Variants in NPC1 observed in about 807,000 individuals in gnomAD.
NPC1 encodes Niemann-Pick C1 protein.
In NPC1, 85 loss-of-function variants were observed where a neutral mutation model predicts 140.4. The observed-to-expected ratio is 0.61, with a 90% confidence interval of 0.51 to 0.72. NPC1 has a LOEUF of 0.72. NPC1 is among the 30% of genes least tolerant of loss of function. The pLI is 0.00. For synonymous variants in NPC1, 656 were observed against 624.8 expected (o/e 1.05, Z -0.74); for missense variants, 1,504 against 1,623.8 (o/e 0.93, Z 1.27).
At position 23,509,365 on chromosome 18, in the gene NPC1, A is replaced by G. The variant is rs546957175; in HGVS notation, c.432-2723T>C. 5.6e-5 allele frequency: 23 copies of G among 408,718 alleles called. 2 individuals are homozygous for G. The South Asian group carries it at 2.2e-3, about 39-fold the overall frequency. 25.3% of individuals were successfully genotyped at this position (408,718 alleles called of 1,614,324 possible). A position where few individuals can be genotyped will look rare whatever the true frequency, so the allele number is the denominator to read the frequency against. On this transcript the variant is annotated intron_variant, in intron 3 of 3. Transcript: ENST00000591107. The stretch of plus-strand genomic sequence containing the variant: ...TTTGAATTCAGTACTGAATATATAT[A>G]TATATATTTTAAACATTTTCTAGAG...
At chr18:23,528,921 C>T (rs1007357452), downstream of NPC1, 1 of 355,950 alleles carries the variant, frequency 2.8e-6, no homozygotes, top group Admixed American at 4.5e-5. Flanking sequence ...TTCTTATTGC[C>T]CAGGCTGGAG....
rs775346419 is a variant in NPC1 at position 23,538,663 on chromosome 18, G to A, written c.2920C>T (p.Pro974Ser). The A allele has an allele frequency of 3.7e-6, 6 of 1,614,034 alleles. No homozygotes were observed. Among genetic ancestry groups the A allele is most frequent in the Middle Eastern group, 1.6e-4 (1 of 6,062 alleles). ...DQFCNASVVD[P>S]ACVRCRPLTP... Reference sequence around the variant, plus strand: ...AGAGGCCTGCAGCGAACGCAGGCAGGGTCAACCACTGGCGGAGACATGCAG... The same window carrying A: ...AGAGGCCTGCAGCGAACGCAGGCAGAGTCAACCACTGGCGGAGACATGCAG... Residue 974 changes from proline to serine, a missense_variant, in exon 20 of 25, where the codon CCT becomes TCT. By Grantham distance (74) the Pro-to-Ser change is moderately conservative (BLOSUM62 -1). Transcript: ENST00000269228.
In NPC1 at chr18:23,562,913, T is replaced by C. The variant is rs570688810; in HGVS notation, c.464-1386A>G. Among the ~76,000 whole-genome samples the C allele has an allele frequency of 7.2e-5, 11 of 152,338 alleles. No homozygotes were observed. The East Asian group carries it at 9.6e-4, about 13-fold the overall frequency. ...TACATGTAATTTACAATTTACCCCC[T>C]TAAACTATATAATTTAATGGAGTTT... On this transcript the variant is annotated intron_variant, in intron 4 of 24. Coordinates refer to ENST00000269228, the MANE Select transcript of NPC1 (RefSeq NM_000271.5).
At chr18:23,573,352 C>T (rs1488852282) in intron 2 of NPC1, 100 bp downstream of exon 2, 45 of 1,531,432 alleles carry the variant, frequency 2.9e-5, no homozygotes, top group Non-Finnish European at 3.9e-5. Context: ...GCCTGTTAGT[C>T]TCATCTCCAC....
intron 1 of NPC1, among the ~76,000 whole-genome samples, chr18:23,578,933 T>C (rs1054417829): frequency 7.2e-5 from 11 of 152,190 alleles, no homozygotes; most frequent in Admixed American, 3.3e-4. Flanking sequence ...CCCGGCAGTG[T>C]CTCTGGTGCA....
At chr18:23,521,352 T>C (rs2058136406), downstream of NPC1, among the ~76,000 whole-genome samples, 1 of 152,218 alleles carries the variant, frequency 6.6e-6, no homozygotes, top group South Asian at 2.1e-4. Flanking sequence ...ACCCGTAACG[T>C]TTTCTGTTTG....
chr18:23,529,584 C>G (rs760887617), downstream of NPC1: 26 of 1,485,318 alleles, frequency 1.8e-5, no homozygotes, highest in Admixed American at 4.4e-4. Context: ...TTATATGCAG[C>G]CTCTTTTGCA....
chr18:23,558,706 T>C (rs2058990845), intron 6 of NPC1, among the ~76,000 whole-genome samples: 1 of 151,876 alleles, frequency 6.6e-6, no homozygotes, highest in South Asian at 2.1e-4. Context: ...GTTTTGATCA[T>C]TGTACTATGA....
At chr18:23,552,253 T>C (rs950898904) in intron 9 of NPC1, among the ~76,000 whole-genome samples, 4 of 151,902 alleles carry the variant, frequency 2.6e-5, no homozygotes, top group African/African-American at 7.3e-5. Flanking sequence ...ACCCAGGAGT[T>C]TGAGTCCAGC....
At chr18:23,532,474 C>T (rs1231350736) in intron 24 of NPC1, among the ~76,000 whole-genome samples, 190 bp from the exon 25 acceptor site, 1 of 152,122 alleles carries the variant, frequency 6.6e-6, no homozygotes, top group African/African-American at 2.4e-5. Flanking sequence ...TGCTTTCTTC[C>T]TCAGGCTGCA....
At chr18:23,576,315 G>A (rs959223091) in intron 1 of NPC1, among the ~76,000 whole-genome samples, 6 of 152,098 alleles carry the variant, frequency 3.9e-5, no homozygotes, top group African/African-American at 1.2e-4. Flanking sequence ...CAGCTACTCC[G>A]GAGGCTGAGC....
At chr18:23,564,327 T>C (rs1165183250) in intron 4 of NPC1, among the ~76,000 whole-genome samples, 1 of 152,098 alleles carries the variant, frequency 6.6e-6, no homozygotes. Flanking sequence ...TTATCAAATA[T>C]ACAATTTGCA....
At position 23,586,442 on chromosome 18, in the gene NPC1, G is replaced by A. The variant is rs1322101809; in HGVS notation, c.-99C>T. The A allele has an allele frequency of 1.3e-5, 20 of 1,502,752 alleles. No homozygotes were observed. Among genetic ancestry groups the A allele is most frequent in the East Asian group, 1.3e-4 (5 of 38,452 alleles). The allele number at this position is 1,502,752 out of a possible 1,614,324, so 93.1% of individuals were successfully genotyped here. ...CCGGGCTGTTTCAGCACCCCGCGCA[G>A]GAGGAGCGGAGGAGCAGGAGCAGGC... On this transcript the variant is annotated 5_prime_UTR_variant, in exon 1 of 25. Transcript: ENST00000269228.
intron 17 of NPC1, 39 bp from the exon 18 acceptor site, chr18:23,540,040 C>G (rs749900388): frequency 6.4e-7 from 1 of 1,554,614 alleles, no homozygotes; most frequent in Non-Finnish European, 8.9e-7. Context: ...AGTGTGAACA[C>G]TCTGATAGTA....
At chr18:23,536,633 C>T (rs772428424) in intron 21 of NPC1, 40 bp downstream of exon 21, 1 of 1,581,460 alleles carries the variant, frequency 6.3e-7, no homozygotes, top group East Asian at 2.3e-5. Context: ...AGTGTAGGCC[C>T]TTTGCTGGGT....
chr18:23,530,514 C>T, downstream of NPC1: 1 of 1,614,252 alleles, frequency 6.2e-7, no homozygotes, highest in Non-Finnish European at 8.5e-7. Flanking sequence ...TTTTTAGATG[C>T]TGCAAAGCAG....
chr18:23,538,764 T>C (rs1345507595), intron 19 of NPC1, 93 bp from the exon 20 acceptor site: 3 of 1,332,966 alleles, frequency 2.3e-6, no homozygotes, highest in Non-Finnish European at 3.2e-6. Context: ...GGGCATTACT[T>C]TCTTCTCTAT....
downstream of NPC1, among the ~76,000 whole-genome samples, chr18:23,522,004 C>T (rs76257976): frequency 0.024 from 3,615 of 152,282 alleles, 247 homozygotes; most frequent in East Asian, 0.29. Context: ...ATTCTTTGTC[C>T]GATGGCATTG....
intron 23 of NPC1, chr18:23,534,136 C>G (rs564715976): frequency 2.0e-6 from 1 of 504,340 alleles, no homozygotes; most frequent in African/African-American, 1.9e-5. Context: ...ACCAACCGCA[C>G]ATCACACGCT....
Sources: allele counts gnomAD v4.1 joint callset (sites outside exome capture counted in the v4.1 genomes callset), GRCh38; gene constraint gnomAD v4.1.1; transcripts MANE v1.5; gene names NCBI Gene and HGNC (gene_info 2026-07-23, HGNC 2026-07-21).